The following ANK2 variants were observed in gnomAD, a reference collection of about 807,000 sequenced individuals.
The protein encoded by ANK2 is ankyrin-2.
In ANK2, 83 loss-of-function variants were observed where a neutral mutation model predicts 360.5. The ratio of observed to expected loss-of-function variants is 0.23; its 90% confidence interval spans 0.19 to 0.28. The LOEUF is 0.28. Ranked by LOEUF, ANK2 falls within the 10% of genes least tolerant of loss-of-function variation. The pLI is 1.00. For synonymous variants in ANK2, 1,740 were observed against 1,759.5 expected, an observed-to-expected ratio of 0.99 and a Z score of 0.28; for missense variants, 4,201 against 4,795.7, an observed-to-expected ratio of 0.88 and a Z score of 3.66.
chr4:112,890,538 A>G lies in ANK2; in HGVS notation c.-39-13917A>G, dbSNP rs565895557. 1.2e-4 allele frequency among the ~76,000 whole-genome samples: 15 copies of G among 125,206 alleles called. No individual in the cohort carries two copies. In the South Asian group the frequency reaches 4.2e-3, roughly 35 times the overall value. The allele number at this position is 125,206 out of a possible 152,430, so 82.1% of individuals were successfully genotyped here. A position where few individuals can be genotyped will look rare whatever the true frequency, so the allele number is the denominator to read the frequency against. ...AGAATAAAGTTTGTAGCAGGAATTT[A>G]TGATATACATTTCTGTGGTTTTTTT... On this transcript the variant is annotated intron_variant, in intron 1 of 30. Coordinates refer to the ANK2 transcript ENST00000503271.
the ANK2 span, chr4:112,755,672 T>TCA: frequency 6.0e-6 from 1 of 166,676 alleles, no homozygotes; most frequent in African/African-American, 2.4e-5. Context: ...AAGGCTATTT[T>TCA]CACTTCTTTT....
At chr4:113,326,826 A>AC (rs2090203760) in intron 26 of ANK2, among the ~76,000 whole-genome samples, 2 of 151,998 alleles carry the variant, frequency 1.3e-5, no homozygotes, top group Non-Finnish European at 2.9e-5. Context: ...ACATAGGGAG[A>AC]CCCCATCTCT....
chr4:113,354,376 G>C lies in ANK2; in HGVS notation c.5758G>C (p.Gly1920Arg). The change falls in exon 38 of 46, where the codon GGG becomes CGG. Residue 1920 changes from glycine to arginine, a missense_variant. Coordinates refer to ENST00000357077, the MANE Select transcript of ANK2 (RefSeq NM_001148.6). ...TDKRPPVSPS[G>R]RTEKHPPVSP... Reference sequence around the variant, plus strand: ...CAAACGTCCACCTGTATCGCCCTCCGGGAGGACAGAAAAACACCCGCCAGT... The same window carrying C: ...CAAACGTCCACCTGTATCGCCCTCCCGGAGGACAGAAAAACACCCGCCAGT... 3 of 1,613,964 alleles carry C rather than the reference G, an allele frequency of 1.9e-6. No homozygotes were observed. The highest frequency in any genetic ancestry group is 2.2e-5 in the South Asian group (2 of 91,062).
rs188134469 is a variant in ANK2, at chr4:113,068,841, G to A, written c.84+19029G>A. 7.5e-3 allele frequency among the ~76,000 whole-genome samples: 1,140 copies of A among 152,202 alleles called. 15 individuals carry two copies. The highest frequency in any genetic ancestry group is 9.3e-3 in the Non-Finnish European group (632 of 68,000). Reference sequence around the variant, plus strand: ...TTTGGGAGGCTGAGGCAAGAGGATCGCTTGAGCCCAGGAGTTTGAGACAAG... The same window carrying A: ...TTTGGGAGGCTGAGGCAAGAGGATCACTTGAGCCCAGGAGTTTGAGACAAG... On this transcript the variant is annotated intron_variant, in intron 1 of 45. Transcript: ENST00000357077.
intron 1 of ANK2, among the ~76,000 whole-genome samples, chr4:112,845,653 G>A (rs2063126899): frequency 6.6e-6 from 1 of 152,170 alleles, no homozygotes; most frequent in African/African-American, 2.4e-5. Context: ...TGTCTTCTGG[G>A]AAATTAACTG....
At chr4:113,197,596 T>C (rs2098767465) in intron 3 of ANK2, among the ~76,000 whole-genome samples, 1 of 152,106 alleles carries the variant, frequency 6.6e-6, no homozygotes, top group Non-Finnish European at 1.5e-5. Context: ...AACAAAAAAG[T>C]ACAAGAATAA....
rs1180912373 is a variant in ANK2, at chr4:113,196,353, T to C, written c.187-15T>C. On this transcript the variant is annotated splice_polypyrimidine_tract_variant and intron_variant, in intron 2 of 45. Transcript: ENST00000357077. ...TTACTTCACTTCTTAAAGCCTTGTT[T>C]GTTTCTTCTCTCAGAATGGACTCAA... 1 of 1,608,964 alleles carries C rather than the reference T, an allele frequency of 6.2e-7. No homozygotes were observed. Among genetic ancestry groups the C allele is most frequent in the South Asian group, 1.1e-5 (1 of 90,226 alleles).
At chr4:112,747,611 G>A in the ANK2 span, among the ~76,000 whole-genome samples, 11 of 152,148 alleles carry the variant, frequency 7.2e-5, no homozygotes, top group Non-Finnish European at 1.5e-5. Context: ...CAAATTGAAA[G>A]TTAAATATTA....
At position 113,268,250 on chromosome 4, in the gene ANK2, C is replaced by T. The variant is rs972006270; in HGVS notation, c.1485+3255C>T. Among the ~76,000 whole-genome samples, 3 of 152,174 alleles carry T rather than the reference C, an allele frequency of 2.0e-5. No homozygotes were observed. In the South Asian group the frequency reaches 6.2e-4, roughly 32 times the overall value. On this transcript the variant is annotated intron_variant, in intron 14 of 45. Coordinates refer to ENST00000357077, the MANE Select transcript of ANK2 (RefSeq NM_001148.6). ...ATTTGAATACCCTTTATTTCCTCCC[C>T]TTGCCTGATTGCCCTGGCTAGAACT...
At chr4:113,371,243 A>T (rs1373780147) in intron 43 of ANK2, among the ~76,000 whole-genome samples, 2 of 152,164 alleles carry the variant, frequency 1.3e-5, no homozygotes, top group Admixed American at 1.3e-4. Context: ...ATTATCTGAA[A>T]TCACAACTAA....
At chr4:113,251,109 C>T (rs183767800) in intron 10 of ANK2, among the ~76,000 whole-genome samples, 7 of 152,156 alleles carry the variant, frequency 4.6e-5, no homozygotes, top group East Asian at 3.9e-4. Flanking sequence ...GATAAAGAAA[C>T]GTTGAAATTT....
At chr4:112,974,846 AG>A (rs1301800002) in intron 2 of ANK2, among the ~76,000 whole-genome samples, 74 of 151,670 alleles carry the variant, frequency 4.9e-4, no homozygotes, top group African/African-American at 1.7e-3. Flanking sequence ...GTATAGAAAA[AG>A]AAAAAAAAAA....
intron 2 of ANK2, among the ~76,000 whole-genome samples, chr4:112,925,815 A>G (rs1460510158): frequency 2.0e-5 from 3 of 152,352 alleles, no homozygotes; most frequent in Non-Finnish European, 4.4e-5. Context: ...TAATCAATCC[A>G]TTATTCCACA....
At chr4:113,110,612 G>A (rs1180960521) in intron 1 of ANK2, among the ~76,000 whole-genome samples, 1 of 152,126 alleles carries the variant, frequency 6.6e-6, no homozygotes, top group Non-Finnish European at 1.5e-5. Context: ...AAGTACGCAT[G>A]GATACAATAG....
upstream of ANK2, among the ~76,000 whole-genome samples, chr4:112,813,036 G>A (rs1033016187): frequency 2.0e-5 from 3 of 151,886 alleles, no homozygotes; most frequent in Non-Finnish European, 4.4e-5. Context: ...TCAGGAGTTC[G>A]AGACCAGCCT....
In ANK2 at chr4:112,936,781, ATTTT is replaced by A. The variant is rs552875423; in HGVS notation, c.21+32274_21+32277del. On this transcript the variant is annotated intron_variant, in intron 2 of 30. Coordinates refer to the ANK2 transcript ENST00000503271. Reference sequence around the variant, plus strand: ...ACTATACCAATAAAGTTTATTTATAATTTTTTTTTTGTTTGTTTGTTTTTTGAGA... The same window carrying A: ...ACTATACCAATAAAGTTTATTTATAATTTTTTGTTTGTTTGTTTTTTGAGA... Among the ~76,000 whole-genome samples the A allele has an allele frequency of 7.0e-3, 1,048 of 150,338 alleles. 10 individuals are homozygous for A. The highest frequency in any genetic ancestry group is 0.015 in the African/African-American group (632 of 41,242).
chr4:113,292,863 C>A (rs186302915), intron 21 of ANK2: 2 of 384,816 alleles, frequency 5.2e-6, no homozygotes, highest in African/African-American at 2.1e-5. Flanking sequence ...GAGCTGCTAG[C>A]TTAAACAAAG....
In ANK2 at chr4:113,251,627, C is replaced by T. The variant is rs189138529; in HGVS notation, c.990+1765C>T. Among the ~76,000 whole-genome samples the T allele has an allele frequency of 5.5e-4, 84 of 151,642 alleles. 1 individual carries two copies. Among genetic ancestry groups the T allele is most frequent in the Admixed American group, 2.4e-3 (36 of 15,244 alleles). On this transcript the variant is annotated intron_variant, in intron 10 of 45. Coordinates refer to ENST00000357077, the MANE Select transcript of ANK2 (RefSeq NM_001148.6). ...CCTCCCGAGTAGCTGGAACTACAGG[C>T]GCCCACCACCACGCCCAGCTAATTT...
chr4:112,965,490 G>A (rs767349261), intron 2 of ANK2, among the ~76,000 whole-genome samples: 5 of 152,164 alleles, frequency 3.3e-5, no homozygotes, highest in East Asian at 1.9e-4. Context: ...TTAACTTGAC[G>A]TGATTCCATT....
Sources: allele counts gnomAD v4.1 joint callset (sites outside exome capture counted in the v4.1 genomes callset), GRCh38; gene constraint gnomAD v4.1.1; transcripts MANE v1.5; gene names NCBI Gene and HGNC (gene_info 2026-07-23, HGNC 2026-07-21).